HEMK2: variants seen among roughly 807,000 people sequenced by gnomAD.
HEMK2 encodes the protein HemK methyltransferase 2, ETF1 glutamine and histone H4 lysine, also known as methyltransferase HEMK2.
chr21:28,699,939 A>G, the HEMK2 span, among the ~76,000 whole-genome samples: 1 of 152,200 alleles, frequency 6.6e-6, no homozygotes, highest in Non-Finnish European at 1.5e-5. Context: ...TTTCCATATC[A>G]TTTAGATTTC....
chr21:28,857,737 G>A, the HEMK2 span, among the ~76,000 whole-genome samples: 1 of 151,892 alleles, frequency 6.6e-6, no homozygotes, highest in East Asian at 1.9e-4. Flanking sequence ...AGATGTTCTG[G>A]GTCTTATTAA....
the HEMK2 span, among the ~76,000 whole-genome samples, chr21:28,787,843 G>A: frequency 3.3e-5 from 5 of 152,030 alleles, no homozygotes; most frequent in African/African-American, 1.2e-4. Flanking sequence ...TTTGATCCAG[G>A]AATCCTACCA....
the HEMK2 span, among the ~76,000 whole-genome samples, chr21:28,812,780 TG>T: frequency 1.3e-5 from 2 of 152,228 alleles, no homozygotes; most frequent in African/African-American, 4.8e-5. Flanking sequence ...TTTTTTTAGT[TG>T]GTAGGCTATT....
At chr21:28,611,179 A>G in the HEMK2 span, among the ~76,000 whole-genome samples, 1 of 152,208 alleles carries the variant, frequency 6.6e-6, no homozygotes, top group South Asian at 2.1e-4. Context: ...AATTTAAGAA[A>G]ATCAAAACTA....
chr21:28,823,030 CAA>C, the HEMK2 span, among the ~76,000 whole-genome samples: 9 of 152,050 alleles, frequency 5.9e-5, no homozygotes, highest in Non-Finnish European at 8.8e-5. Flanking sequence ...GCTCAGAAAA[CAA>C]AAGTCAACTT....
chr21:28,600,727 T>C, the HEMK2 span, among the ~76,000 whole-genome samples: 2 of 152,200 alleles, frequency 1.3e-5, no homozygotes, highest in Non-Finnish European at 2.9e-5. Flanking sequence ...GCTTCTCTTT[T>C]AAAACTGAAT....
chr21:28,753,381 G>A, the HEMK2 span, among the ~76,000 whole-genome samples: 1 of 150,814 alleles, frequency 6.6e-6, no homozygotes, highest in African/African-American at 2.4e-5. Flanking sequence ...AAAAGTAGAA[G>A]GTAACGCACA....
the HEMK2 span, among the ~76,000 whole-genome samples, chr21:28,610,751 T>C: frequency 6.6e-6 from 1 of 152,186 alleles, no homozygotes; most frequent in African/African-American, 2.4e-5. Flanking sequence ...GTAGCTATTC[T>C]TGTATCAGGC....
the HEMK2 span, among the ~76,000 whole-genome samples, chr21:28,780,214 G>C: frequency 4.6e-5 from 7 of 151,622 alleles, no homozygotes; most frequent in Admixed American, 4.6e-4. Context: ...GTCTCACTCT[G>C]TCTCCCAGGC....
the HEMK2 span, among the ~76,000 whole-genome samples, chr21:28,864,805 TGAAAGACAGACAGACA>T: frequency 3.8e-3 from 549 of 144,094 alleles, 7 homozygotes; most frequent in East Asian, 0.024. Flanking sequence ...TACCTCTCTC[TGAAAGACAGACAGACA>T]GATAGATAGA....
At chr21:28,848,175 G>T in the HEMK2 span, among the ~76,000 whole-genome samples, 1 of 152,254 alleles carries the variant, frequency 6.6e-6, no homozygotes, top group East Asian at 1.9e-4. Flanking sequence ...TTGACAGTTT[G>T]ACAGGAATAG....
chr21:28,713,794 C>T, the HEMK2 span, among the ~76,000 whole-genome samples: 1 of 152,202 alleles, frequency 6.6e-6, no homozygotes, highest in Non-Finnish European at 1.5e-5. Context: ...TGGCACATAG[C>T]AGGGGCTTAA....
the HEMK2 span, among the ~76,000 whole-genome samples, chr21:28,645,186 T>C: frequency 6.6e-6 from 1 of 152,202 alleles, no homozygotes; most frequent in Non-Finnish European, 1.5e-5. Context: ...CATGCTGCAC[T>C]GCACTGTCCT....
the HEMK2 span, among the ~76,000 whole-genome samples, chr21:28,799,977 T>G: frequency 1.3e-5 from 2 of 152,216 alleles, no homozygotes; most frequent in African/African-American, 4.8e-5. Context: ...AAGAGCATTT[T>G]CCAAGAACAC....
chr21:28,797,448 A>AC, the HEMK2 span, among the ~76,000 whole-genome samples: 1 of 151,766 alleles, frequency 6.6e-6, no homozygotes, highest in African/African-American at 2.4e-5. Context: ...AAAACAAAAA[A>AC]AAAAAACAAA....
the HEMK2 span, among the ~76,000 whole-genome samples, chr21:28,696,641 G>A: frequency 6.6e-6 from 1 of 152,108 alleles, no homozygotes; most frequent in Non-Finnish European, 1.5e-5. Context: ...GCTCCTCTAA[G>A]CAGTGTCCCA....
At chr21:28,775,301 C>T in the HEMK2 span, among the ~76,000 whole-genome samples, 1 of 152,108 alleles carries the variant, frequency 6.6e-6, no homozygotes, top group African/African-American at 2.4e-5. Context: ...AGGAGGCAGA[C>T]AGAGTGAAGG....
chr21:28,610,665 T>G, the HEMK2 span, among the ~76,000 whole-genome samples: 1 of 151,998 alleles, frequency 6.6e-6, no homozygotes, highest in Non-Finnish European at 1.5e-5. Flanking sequence ...ACCTGACACA[T>G]AAGGACTCAC....
the HEMK2 span, among the ~76,000 whole-genome samples, chr21:28,844,682 A>G: frequency 0.011 from 1,722 of 152,172 alleles, 24 homozygotes; most frequent in Middle Eastern, 0.058. Context: ...CCCAGCCATG[A>G]GACTAATCCC....
Sources: gnomAD v4.1 joint callset for allele counts (sites outside exome capture counted in the v4.1 genomes callset) on GRCh38, gnomAD v4.1.1 for gene constraint, MANE v1.5 for transcripts, NCBI Gene and HGNC (gene_info 2026-07-23, HGNC 2026-07-21) for gene names.